The following RBM19 variants were observed in gnomAD, a reference collection of about 807,000 sequenced individuals.
The protein encoded by RBM19 is probable RNA-binding protein 19.
RBM19 carries 94 observed loss-of-function variants against 116.8 expected under a neutral mutation model. The ratio of observed to expected loss-of-function variants is 0.80; its 90% confidence interval spans 0.68 to 0.95. RBM19 has a LOEUF of 0.95. RBM19 is among the 40% of genes least tolerant of loss of function. The pLI is 0.00. For synonymous variants in RBM19, 475 were observed against 494.1 expected (o/e 0.96, Z 0.51); for missense variants, 1,161 against 1,220.7 (o/e 0.95, Z 0.73).
chr12:113,906,659 C>A (rs1882066120), intron 21 of RBM19, among the ~76,000 whole-genome samples: 1 of 152,030 alleles, frequency 6.6e-6, no homozygotes, highest in African/African-American at 2.4e-5. Flanking sequence ...CGGGGCTCGG[C>A]ATTTACTGTC....
chr12:113,962,163 G>C, intron 2 of RBM19, 69 bp downstream of exon 2: 1 of 1,558,698 alleles, frequency 6.4e-7, no homozygotes, highest in Non-Finnish European at 8.8e-7. Context: ...TTGAACTCAA[G>C]TGCTGAGTGA....
chr12:113,949,106 C>A, intron 9 of RBM19, 70 bp from the exon 10 acceptor site: 1 of 1,362,618 alleles, frequency 7.3e-7, no homozygotes, highest in Non-Finnish European at 1.0e-6. Flanking sequence ...GCTGGTGACT[C>A]CAAACTCTTC....
rs371563722 is a variant in RBM19, at chr12:113,959,284, T to C, written c.499A>G (p.Ser167Gly). 11 of 1,613,922 alleles carry C rather than the reference T, an allele frequency of 6.8e-6. No homozygotes were observed. The highest frequency in any genetic ancestry group is 9.3e-6 in the Non-Finnish European group (11 of 1,180,000). The change falls in exon 5 of 24, where the codon AGT becomes GGT. Residue 167 changes from serine to glycine, a missense_variant. By Grantham distance (56) the Ser-to-Gly change is moderately conservative. Transcript: ENST00000261741. ...TCGGAGTCGAAGTTCAGGTAGTCAC[T>C]GGCCGGCTTGCTCTTCCCTTTCGAG... ...EPSKGKSKPASDYLNFDSDSG... is the reference protein window; with the variant it reads ...EPSKGKSKPAGDYLNFDSDSG...
chr12:113,850,011 C>A (rs1484012273), intron 22 of RBM19, among the ~76,000 whole-genome samples: 1 of 152,204 alleles, frequency 6.6e-6, no homozygotes, highest in Non-Finnish European at 1.5e-5. Context: ...ATAGCTCCTG[C>A]TCAAGGCCTC....
chr12:113,963,950 A>C (rs956372180), intron 1 of RBM19, among the ~76,000 whole-genome samples: 1 of 152,192 alleles, frequency 6.6e-6, no homozygotes, highest in African/African-American at 2.4e-5. Context: ...CTCCTATTCC[A>C]GGAGGCCTTT....
chr12:113,835,337 C>T (rs1444864682), intron 23 of RBM19, among the ~76,000 whole-genome samples: 1 of 152,198 alleles, frequency 6.6e-6, no homozygotes, highest in Non-Finnish European at 1.5e-5. Flanking sequence ...GGGGCCCAGG[C>T]AGGTTGGTCA....
At chr12:113,882,540 G>A (rs1304607099) in intron 21 of RBM19, among the ~76,000 whole-genome samples, 1 of 152,244 alleles carries the variant, frequency 6.6e-6, no homozygotes, top group East Asian at 1.9e-4. Context: ...CAAGATGAAC[G>A]ACTGGCACAG....
rs574981740 is a variant in RBM19 at position 113,962,305 on chromosome 12, A to G, written c.146T>C (p.Phe49Ser). The G allele has an allele frequency of 1.2e-6, 2 of 1,614,210 alleles. No individual in the cohort carries two copies. Among genetic ancestry groups the G allele is most frequent in the South Asian group, 2.2e-5 (2 of 91,072 alleles). Residue 49 changes from phenylalanine to serine, a missense_variant, in exon 2 of 24, where the codon TTC becomes TCC. Phe to Ser is a radical substitution (Grantham distance 155). Transcript: ENST00000261741. Reference protein sequence around the residue: ...GKFRKFGFIGFKSEEEAQKAQ... With the variant: ...GKFRKFGFIGSKSEEEAQKAQ... ...CTTCTGGGCCTCTTCCTCGGACTTG[A>G]AGCCAATAAAACCAAACTTGCGGAA... is the stretch of plus-strand genomic sequence containing the variant.
chr12:113,924,053 C>T (rs1347150882), intron 18 of RBM19, among the ~76,000 whole-genome samples: 2 of 152,204 alleles, frequency 1.3e-5, no homozygotes, highest in African/African-American at 4.8e-5. Context: ...ATAGGGCTGG[C>T]ATGGCTGTGC....
chr12:113,880,424 T>C lies in RBM19; in HGVS notation c.2559-21528A>G, dbSNP rs571744373. On this transcript the variant is annotated intron_variant, in intron 21 of 23. Transcript: ENST00000261741. ...TCGGTAAGTAATGAACACAGCGACA[T>C]GAATTCTGTTTCTAGCTGAGATCCT... Among the ~76,000 whole-genome samples, 17 of 152,288 alleles carry C rather than the reference T, an allele frequency of 1.1e-4. No individual in the cohort carries two copies. In the South Asian group the frequency reaches 2.7e-3, roughly 24 times the overall value.
intron 19 of RBM19, among the ~76,000 whole-genome samples, chr12:113,919,840 C>A (rs531090320): frequency 1.3e-5 from 2 of 152,136 alleles, no homozygotes; most frequent in South Asian, 4.1e-4. Flanking sequence ...CTCCTACCTG[C>A]CCCCTGCCCC....
chr12:113,911,233 T>C (rs998401850), intron 21 of RBM19, among the ~76,000 whole-genome samples: 1 of 152,182 alleles, frequency 6.6e-6, no homozygotes, highest in Non-Finnish European at 1.5e-5. Flanking sequence ...ACACCCCTAT[T>C]TGTGTGTCTT....
Position 113,944,093 on chromosome 12 carries a change from G to GTTTTTTTTTTTTTTTTTTT in RBM19, c.1627-1678_1627-1660dup, listed in dbSNP as rs71433305. ...CAGCTGCCTCTAACTCCAGATGCATGTTTTTTTTTTTTTTTTTTTTTTTTG... is the reference window on the plus strand; with the variant it reads ...CAGCTGCCTCTAACTCCAGATGCATGTTTTTTTTTTTTTTTTTTTTTTTTTTTTTTTTTTTTTTTTTTTG... On this transcript the variant is annotated intron_variant, in intron 13 of 23. Transcript: ENST00000261741. 7.1e-4 allele frequency among the ~76,000 whole-genome samples: 48 copies of GTTTTTTTTTTTTTTTTTTT among 67,660 alleles called. 5 individuals are homozygous for GTTTTTTTTTTTTTTTTTTT. The highest frequency in any genetic ancestry group is 1.1e-3 in the African/African-American group (17 of 15,870). 44.4% of individuals were successfully genotyped at this position (67,660 alleles called of 152,430 possible).
intron 21 of RBM19, among the ~76,000 whole-genome samples, chr12:113,909,190 A>G (rs1882267698): frequency 6.6e-6 from 1 of 152,152 alleles, no homozygotes; most frequent in African/African-American, 2.4e-5. Flanking sequence ...TGGCCTGATT[A>G]TAGCTCACTG....
At chr12:113,861,972 T>C (rs1269696446) in intron 21 of RBM19, among the ~76,000 whole-genome samples, 3 of 152,198 alleles carry the variant, frequency 2.0e-5, no homozygotes, top group African/African-American at 7.2e-5. Flanking sequence ...AGAAATCCTA[T>C]TATTCTTCAG....
chr12:113,966,306 G>T lies in RBM19; in HGVS notation c.-79C>A. The stretch of plus-strand genomic sequence containing the variant: ...CAAGTTTCACGCTACCGCCCTGGGC[G>T]CCGCCATCTTTACCGAGCCGGAACA... On this transcript the variant is annotated 5_prime_UTR_variant, in exon 1 of 24. Transcript: ENST00000261741. The T allele has an allele frequency of 1.3e-6, 2 of 1,581,628 alleles. No individual in the cohort carries two copies.
intron 21 of RBM19, among the ~76,000 whole-genome samples, chr12:113,878,671 A>ACACACACACC (rs1491206356): frequency 1.7e-4 from 24 of 141,896 alleles, no homozygotes; most frequent in African/African-American, 4.7e-4. Flanking sequence ...ACACACACAC[A>ACACACACACC]CCCTCACTCA....
At chr12:113,827,525 CGGGGGGGT>C (rs551441789) in intron 23 of RBM19, among the ~76,000 whole-genome samples, 3 of 5,776 alleles carry the variant, frequency 5.2e-4, no homozygotes, top group South Asian at 4.4e-3. Flanking sequence ...GGCGGGGGGG[CGGGGGGGT>C]GCGTCGGGAG....
intron 23 of RBM19, among the ~76,000 whole-genome samples, chr12:113,839,696 C>A (rs56031183): frequency 6.6e-6 from 1 of 152,224 alleles, no homozygotes; most frequent in South Asian, 2.1e-4. Flanking sequence ...AAAGCTGCTA[C>A]TATGGCTTTT....
Sources: allele counts gnomAD v4.1 joint callset (sites outside exome capture counted in the v4.1 genomes callset), GRCh38; gene constraint gnomAD v4.1.1; transcripts MANE v1.5; gene names NCBI Gene and HGNC (gene_info 2026-07-23, HGNC 2026-07-21).